TSPAN10: variants seen among roughly 807,000 people sequenced by gnomAD.
TSPAN10 encodes the protein tetraspanin-10.
Under a neutral mutation model 15.0 loss-of-function variants are expected in TSPAN10, and 11 were observed. The ratio of observed to expected loss-of-function variants is 0.73; its 90% CI spans 0.46 to 1.21. TSPAN10 has a LOEUF of 1.21. Ranked by LOEUF, TSPAN10 falls within the 50% of genes most tolerant of loss-of-function variation. TSPAN10 has a pLI of 0.00. For missense variants in TSPAN10, 486 were observed against 470.6 expected (o/e 1.03, Z -0.30); for synonymous variants, 241 against 226.2 (o/e 1.07, Z -0.59).
At chr17:81,648,129 G>A (rs754315384) in exon 3 of TSPAN10, 48 of 1,546,970 alleles carry the variant, frequency 3.1e-5, no homozygotes, top group East Asian at 4.8e-5. Context: ...CAATCGCGGT[G>A]GTGCTGCTGC....
At chr17:81,647,570 C>T in intron 2 of TSPAN10, 1 of 585,992 alleles carries the variant, frequency 1.7e-6, no homozygotes, top group Non-Finnish European at 3.2e-6. Context: ...TCAATGAGCT[C>T]AGCAGCCTCT....
At chr17:81,645,833 ACACT>A in intron 2 of TSPAN10, 1 of 664,678 alleles carries the variant, frequency 1.5e-6, no homozygotes, top group East Asian at 2.7e-5. Flanking sequence ...ACACACCTAC[ACACT>A]CCTCTACACT....
At chr17:81,645,969 T>C in intron 2 of TSPAN10, 1 of 419,652 alleles carries the variant, frequency 2.4e-6, no homozygotes, top group South Asian at 2.6e-5. Context: ...TGCCTCTCCT[T>C]GTTCTATGGG....
At chr17:81,642,683 G>A (rs1339833586) in intron 1 of TSPAN10, among the ~76,000 whole-genome samples, 1 of 152,216 alleles carries the variant, frequency 6.6e-6, no homozygotes, top group Non-Finnish European at 1.5e-5. Flanking sequence ...AGATCTCCCT[G>A]AGGGCCTTGG....
At chr17:81,646,914 G>A (rs1368568102) in intron 2 of TSPAN10, among the ~76,000 whole-genome samples, 2 of 151,384 alleles carry the variant, frequency 1.3e-5, no homozygotes, top group Non-Finnish European at 2.9e-5. Flanking sequence ...GCTCGATCTC[G>A]GCTCACTGTA....
rs2036286985 is a variant in TSPAN10, at chr17:81,648,260, G to GCGCCCCGC, written c.1036_1043dup (p.Ala349ProfsTer?). On this transcript the variant is annotated frameshift_variant, in exon 3 of 3. Transcript: ENST00000611590. LOFTEE classifies it low-confidence loss of function (END_TRUNC). ...GCTGGCCCCCAGAGCCCCAGCCCCG[G>GCGCCCCGC]CGCCCCGCCCGCTGCCAAGCCCGCC... is the stretch of plus-strand genomic sequence containing the variant. The GCGCCCCGC allele has an allele frequency of 5.8e-6, 7 of 1,215,712 alleles. No homozygotes were observed. The highest frequency in any genetic ancestry group is 7.2e-6 in the Non-Finnish European group (7 of 978,938). The allele number at this position is 1,215,712 out of a possible 1,614,324, so 75.3% of individuals were successfully genotyped here. A position where few individuals can be genotyped will look rare whatever the true frequency, so the allele number is the denominator to read the frequency against.
chr17:81,642,615 C>G (rs1399040350), intron 1 of TSPAN10, among the ~76,000 whole-genome samples, 167 bp downstream of exon 2: 1 of 152,220 alleles, frequency 6.6e-6, no homozygotes, highest in Non-Finnish European at 1.5e-5. Flanking sequence ...GCCCCCTCCC[C>G]CTTCCCCACT....
chr17:81,641,521 C>T (rs2036177060), upstream of TSPAN10, among the ~76,000 whole-genome samples: 1 of 152,058 alleles, frequency 6.6e-6, no homozygotes, highest in South Asian at 2.1e-4. Flanking sequence ...CGGTGTGCTC[C>T]CACCCAGGCG....
downstream of TSPAN10, chr17:81,648,308 G>A (rs899572241): frequency 3.9e-5 from 47 of 1,205,172 alleles, no homozygotes; most frequent in South Asian, 1.7e-3. Context: ...CACGCCCCGA[G>A]GTCCGAGACC....
At chr17:81,642,531 C>A in intron 1 of TSPAN10, 83 bp downstream of exon 2, 1 of 1,407,420 alleles carries the variant, frequency 7.1e-7, no homozygotes, top group Non-Finnish European at 9.8e-7. Context: ...GGGCTGGGTT[C>A]ACACCCACCC....
At chr17:81,648,032 C>T (rs1446891013) in exon 3 of TSPAN10, 1 of 1,602,618 alleles carries the variant, frequency 6.2e-7, no homozygotes, top group Admixed American at 1.7e-5. Context: ...GATGCGGACG[C>T]AGCTCAGAGA....
In TSPAN10 at chr17:81,647,367, G is replaced by A. The variant is rs530640397; in HGVS notation, c.675-534G>A. 103 of 454,756 alleles carry A rather than the reference G, an allele frequency of 2.3e-4. No homozygotes were observed. In the Middle Eastern group the frequency reaches 8.8e-3, roughly 39 times the overall value. The allele number at this position is 454,756 out of a possible 1,614,324, so 28.2% of individuals were successfully genotyped here. A position where few individuals can be genotyped will look rare whatever the true frequency, so the allele number is the denominator to read the frequency against. On this transcript the variant is annotated intron_variant, in intron 2 of 2. Coordinates refer to ENST00000611590, the Ensembl canonical transcript of TSPAN10. ...ACATCAGTGGATGCCTAGGGCACCT[G>A]GGGACTGCCTGACCTGGGCTGTGAT...
At chr17:81,646,625 A>G (rs2036256803) in intron 2 of TSPAN10, 2 of 149,080 alleles carry the variant, frequency 1.3e-5, no homozygotes, top group Admixed American at 1.3e-4. Context: ...GCTTGCAGTG[A>G]GCCGAGATCG....
In TSPAN10 at chr17:81,645,169, G is replaced by C. The variant is rs375543036; in HGVS notation, c.214G>C (p.Gly72Arg). The C allele has an allele frequency of 1.0e-4, 163 of 1,553,372 alleles. No homozygotes were observed. The highest frequency in any genetic ancestry group is 1.3e-4 in the Non-Finnish European group (151 of 1,156,460). ...AGGACCAGCCCCTTCCCTCTCCCCAGGGAGCAGCTGCGTCAAGTATCTGAT... is the reference window on the plus strand; with the variant it reads ...AGGACCAGCCCCTTCCCTCTCCCCACGGAGCAGCTGCGTCAAGTATCTGAT... The change falls in exon 2 of 3, where the codon GGG (glycine) becomes CGG (arginine). Residue 72 changes from glycine (G) to arginine (R), a missense_variant. By Grantham distance (125) the Gly-to-Arg change is moderately radical. Transcript: ENST00000611590.
upstream of TSPAN10, chr17:81,638,294 G>GTTTTTTTTT (rs1555691270): frequency 6.7e-6 from 1 of 149,590 alleles, no homozygotes; most frequent in Non-Finnish European, 1.5e-5. Context: ...AGAGTTTTTT[G>GTTTTTTTTT]TTTTTTGTTT....
At chr17:81,647,903 A>G in exon 3 of TSPAN10, 2 of 1,394,158 alleles carry the variant, frequency 1.4e-6, no homozygotes, top group African/African-American at 1.4e-5. Context: ...CCTTGCAGGT[A>G]CTTTAACTGC....
chr17:81,644,804 C>T (rs1205785808), intron 1 of TSPAN10, among the ~76,000 whole-genome samples, 188 bp from the exon 3 acceptor site: 2 of 152,224 alleles, frequency 1.3e-5, no homozygotes, highest in Admixed American at 6.5e-5. Flanking sequence ...GCTGCTCAGC[C>T]GAGCGGGACG....
upstream of TSPAN10, chr17:81,638,918 A>C (rs577712823): frequency 6.6e-6 from 1 of 152,148 alleles, no homozygotes; most frequent in African/African-American, 2.4e-5. Flanking sequence ...TTCTAATCTT[A>C]TGGCTAATTT....
chr17:81,647,701 C>A, intron 2 of TSPAN10, 200 bp from the exon 4 acceptor site: 1 of 652,214 alleles, frequency 1.5e-6, no homozygotes, highest in Non-Finnish European at 2.7e-6. Context: ...CTGCCGTGCA[C>A]AGGGATACGT....
Sources: gnomAD v4.1 joint callset for allele counts (sites outside exome capture counted in the v4.1 genomes callset) on GRCh38, gnomAD v4.1.1 for gene constraint, MANE v1.5 for transcripts, NCBI Gene and HGNC (gene_info 2026-07-23, HGNC 2026-07-21) for gene names.